ZNF503: variants seen among roughly 807,000 people sequenced by gnomAD.
ZNF503 encodes the protein NocA-like zinc finger 2.
Under a neutral mutation model 34.4 loss-of-function variants are expected in ZNF503, and 15 were observed. That is an observed-to-expected ratio of 0.44 (90% CI 0.29 to 0.67). ZNF503 has a LOEUF of 0.67. Among genes scored for constraint, ZNF503 ranks in the 30% least tolerant of loss-of-function variants. The probability of loss-of-function intolerance (pLI) is 0.13; values close to 1 mark genes in which losing one functional copy is unlikely to be tolerated. For missense variants in ZNF503, 1,007 were observed against 926.8 expected (o/e 1.09, Z -1.12); for synonymous variants, 580 against 456.8 (o/e 1.27, Z -3.44).
At chr10:75,298,459 T>C in the ZNF503 span, among the ~76,000 whole-genome samples, 3 of 152,252 alleles carry the variant, frequency 2.0e-5, no homozygotes, top group African/African-American at 7.2e-5. Flanking sequence ...ATGTGGCCTT[T>C]AACGCCTGGC....
chr10:75,397,148 G>A (rs2131985307), downstream of ZNF503, among the ~76,000 whole-genome samples: 1 of 152,168 alleles, frequency 6.6e-6, no homozygotes, highest in Non-Finnish European at 1.5e-5. Flanking sequence ...CCACCCGGAC[G>A]GGGAAAAGCA....
At chr10:75,286,784 C>A in the ZNF503 span, among the ~76,000 whole-genome samples, 7 of 152,162 alleles carry the variant, frequency 4.6e-5, no homozygotes, top group Non-Finnish European at 7.3e-5. Flanking sequence ...CCAGGGCTTA[C>A]AGGGGGCCAG....
the ZNF503 span, among the ~76,000 whole-genome samples, chr10:75,379,295 A>G: frequency 6.6e-6 from 1 of 152,162 alleles, no homozygotes; most frequent in Non-Finnish European, 1.5e-5. Context: ...TAATCTGTCA[A>G]AGGGGATGGT....
the ZNF503 span, among the ~76,000 whole-genome samples, chr10:75,309,789 G>A: frequency 2.0e-5 from 3 of 152,084 alleles, no homozygotes; most frequent in African/African-American, 7.2e-5. Context: ...TATGTCTTTG[G>A]TGTCATATCT....
In ZNF503 at chr10:75,399,390, T is replaced by C. The variant is rs1300094001; in HGVS notation, c.1300A>G (p.Ser434Gly). 1 of 1,606,138 alleles carries C rather than the reference T, an allele frequency of 6.2e-7. No individual in the cohort carries two copies. Among genetic ancestry groups the C allele is most frequent in the East Asian group, 2.2e-5 (1 of 44,804 alleles). Residue 434 changes from serine to glycine, a missense_variant, in exon 2 of 2, where the codon AGC becomes GGC. Ser to Gly is a moderately conservative substitution (Grantham distance 56). Transcript: ENST00000372524. ...GCCAGGTGGCTAGCGCAGTGGTAGC[T>C]GAGGCAGTAAGGGTCCCGGCACAAA... ...ASLCRDPYCL[S>G]YHCASHLAGA...
chr10:75,340,019 A>G, the ZNF503 span, among the ~76,000 whole-genome samples: 1 of 152,080 alleles, frequency 6.6e-6, no homozygotes, highest in African/African-American at 2.4e-5. Context: ...GTTTGAGACC[A>G]GCCTGGGCAA....
chr10:75,330,031 T>A, the ZNF503 span, among the ~76,000 whole-genome samples: 240 of 152,352 alleles, frequency 1.6e-3, 4 homozygotes, highest in East Asian at 0.019. Context: ...ATGTTCCTTC[T>A]ATACCTAACT....
chr10:75,374,763 T>C, the ZNF503 span, among the ~76,000 whole-genome samples: 2 of 152,236 alleles, frequency 1.3e-5, no homozygotes, highest in Non-Finnish European at 1.5e-5. Context: ...ATGCACAATA[T>C]GTTTTGTTAA....
At chr10:75,305,833 A>G in the ZNF503 span, among the ~76,000 whole-genome samples, 1 of 152,172 alleles carries the variant, frequency 6.6e-6, no homozygotes, top group African/African-American at 2.4e-5. Flanking sequence ...TTCAAAGTTC[A>G]TCCATGTTGT....
chr10:75,348,839 A>G, the ZNF503 span, among the ~76,000 whole-genome samples: 3 of 152,170 alleles, frequency 2.0e-5, no homozygotes, highest in Non-Finnish European at 2.9e-5. Context: ...AAACCATTAG[A>G]TTTCACTTTT....
At chr10:75,284,522 G>T in the ZNF503 span, among the ~76,000 whole-genome samples, 1 of 152,156 alleles carries the variant, frequency 6.6e-6, no homozygotes, top group African/African-American at 2.4e-5. Flanking sequence ...CCCTACCCAG[G>T]TCCAGAACCT....
the ZNF503 span, among the ~76,000 whole-genome samples, chr10:75,310,191 A>G: frequency 6.6e-6 from 1 of 152,226 alleles, no homozygotes; most frequent in Admixed American, 6.5e-5. Flanking sequence ...AAGTATAGTT[A>G]AAAACCATGG....
chr10:75,395,294 G>C (rs575585364), downstream of ZNF503, among the ~76,000 whole-genome samples: 9 of 152,374 alleles, frequency 5.9e-5, no homozygotes, highest in Non-Finnish European at 1.3e-4. This position sits in a 1 kb window ranked among gnomAD's most constrained non-coding sequence, Gnocchi z 4.4. Context: ...AGCTGGAGCG[G>C]GTGGAGAAGA....
chr10:75,309,849 C>T, the ZNF503 span, among the ~76,000 whole-genome samples: 38 of 152,152 alleles, frequency 2.5e-4, no homozygotes, highest in South Asian at 7.5e-3. Flanking sequence ...TCTATCTTTT[C>T]CTCTAAGAGT....
At chr10:75,308,761 G>A in the ZNF503 span, among the ~76,000 whole-genome samples, 1 of 152,238 alleles carries the variant, frequency 6.6e-6, no homozygotes. Context: ...ACTAGAATTA[G>A]AAGTGGAGCC....
rs781484126 is a variant in ZNF503 at position 75,399,262 on chromosome 10, G to A, written c.1428C>T (p.His476=). 12 of 1,596,288 alleles carry A rather than the reference G, an allele frequency of 7.5e-6. No individual in the cohort carries two copies. Among genetic ancestry groups the A allele is most frequent in the South Asian group, 1.1e-5 (1 of 89,088 alleles). ...YPLVYPTHPL[H]GVHSSLTAAA... ...CGGCCGTTAGCGAGGAGTGCACACCGTGCAGCGGGTGCGTGGGGTACACCA... is the reference window on the plus strand; with the variant it reads ...CGGCCGTTAGCGAGGAGTGCACACCATGCAGCGGGTGCGTGGGGTACACCA... Residue 476 remains histidine, a synonymous_variant, in exon 2 of 2, where the codon CAC becomes CAT. Transcript: ENST00000372524.
chr10:75,329,943 A>G, the ZNF503 span, among the ~76,000 whole-genome samples: 21 of 152,294 alleles, frequency 1.4e-4, no homozygotes, highest in African/African-American at 5.1e-4. Flanking sequence ...GTCTTGTTCC[A>G]TATCTTAGAG....
chr10:75,390,013 C>T, the ZNF503 span, among the ~76,000 whole-genome samples: 1 of 152,102 alleles, frequency 6.6e-6, no homozygotes, highest in African/African-American at 2.4e-5. Context: ...TCACCTCAGC[C>T]TCCAGAGTAG....
the ZNF503 span, among the ~76,000 whole-genome samples, chr10:75,351,586 C>G: frequency 2.4e-4 from 37 of 152,282 alleles, no homozygotes; most frequent in South Asian, 7.5e-3. Flanking sequence ...AGAAGTGGGA[C>G]TCTCCCCAGC....
Sources: gnomAD v4.1 joint callset for allele counts (sites outside exome capture counted in the v4.1 genomes callset) on GRCh38, gnomAD v4.1.1 for gene constraint, Gnocchi (gnomAD v3.1) non-coding constraint, MANE v1.5 for transcripts, NCBI Gene and HGNC (gene_info 2026-07-23, HGNC 2026-07-21) for gene names.